PLCG2: variants seen among roughly 807,000 people sequenced by gnomAD.
The protein encoded by PLCG2 is phospholipase C gamma 2.
In PLCG2, 69 loss-of-function variants were observed where a neutral mutation model predicts 175.6. The ratio of observed to expected loss-of-function variants is 0.39; its 90% CI spans 0.32 to 0.48. The LOEUF (loss-of-function observed/expected upper bound fraction) is 0.48, where lower values mean the gene tolerates loss of function less well. PLCG2 is among the 20% of genes least tolerant of loss of function. The pLI, the probability that PLCG2 is intolerant of heterozygous loss-of-function variation, is 0.91. For missense variants in PLCG2, 1,798 were observed against 1,650.9 expected (o/e 1.09, Z -1.54); for synonymous variants, 827 against 624.0 (o/e 1.33, Z -4.85).
chr16:81,791,132 A>C (rs976807988), intron 2 of PLCG2, among the ~76,000 whole-genome samples: 4 of 152,166 alleles, frequency 2.6e-5, no homozygotes, highest in African/African-American at 9.7e-5. Flanking sequence ...AGGAGGATGG[A>C]GTCCCAGCTT....
chr16:81,792,100 C>A lies in PLCG2; in HGVS notation c.193+5918C>A, dbSNP rs577529219. 3.9e-5 allele frequency among the ~76,000 whole-genome samples: 6 copies of A among 152,284 alleles called. No homozygotes were observed. The South Asian group carries it at 1.2e-3, about 32-fold the overall frequency. On this transcript the variant is annotated intron_variant, in intron 2 of 32. Transcript: ENST00000564138. The stretch of plus-strand genomic sequence containing the variant: ...ATGGTGGCCACCAGCAGCCAAGCTC[C>A]CACATGAGCATGTCGACTCTGAATC...
intron 21 of PLCG2, among the ~76,000 whole-genome samples, chr16:81,922,581 A>C (rs1390474201): frequency 6.6e-6 from 1 of 152,220 alleles, no homozygotes; most frequent in Non-Finnish European, 1.5e-5. Context: ...GGAACTGAGG[A>C]TCAGAGAGAC....
At chr16:81,891,316 C>T (rs566952500) in intron 10 of PLCG2, among the ~76,000 whole-genome samples, 156 bp from the exon 11 acceptor site, 83 of 152,258 alleles carry the variant, frequency 5.5e-4, no homozygotes, top group Admixed American at 5.2e-3. Flanking sequence ...CCTGAGCCTT[C>T]GGTATTGAAA....
chr16:81,855,193 A>G (rs1350725356), intron 3 of PLCG2, among the ~76,000 whole-genome samples: 1 of 73,506 alleles, frequency 1.4e-5, no homozygotes, highest in African/African-American at 4.1e-5. Flanking sequence ...ACTCTGTCTC[A>G]AAAAAAAAAA....
intron 31 of PLCG2, among the ~76,000 whole-genome samples, chr16:81,950,639 T>A (rs945212150): frequency 2.0e-4 from 29 of 147,530 alleles, no homozygotes; most frequent in African/African-American, 7.8e-4. Context: ...ATACATTTTT[T>A]AAAAATAATG....
Position 81,956,691 on chromosome 16 carries a change from C to G in PLCG2, c.3571-4C>G, listed in dbSNP as rs775792447. On this transcript the variant is annotated splice_polypyrimidine_tract_variant and splice_region_variant and intron_variant, in intron 31 of 32. Coordinates refer to ENST00000564138, the MANE Select transcript of PLCG2 (RefSeq NM_002661.5). ...ATGGTTGTTCTCTCCCCTGCATCCT[C>G]CAGGAGAGCGAAGAGGAACTTTACT... is the stretch of plus-strand genomic sequence containing the variant. The G allele has an allele frequency of 1.9e-6, 3 of 1,613,014 alleles. No homozygotes were observed.
intron 2 of PLCG2, among the ~76,000 whole-genome samples, chr16:81,824,283 G>A (rs1410839306): frequency 4.0e-5 from 6 of 151,846 alleles, no homozygotes; most frequent in Admixed American, 2.0e-4. Context: ...ATAGGCATGC[G>A]TCACCACACC....
chr16:81,742,237 C>G (rs1395114930), intron 1 of PLCG2, among the ~76,000 whole-genome samples: 1 of 151,954 alleles, frequency 6.6e-6, no homozygotes, highest in African/African-American at 2.4e-5. Context: ...GTCCATTACT[C>G]CGAGTACATA....
At chr16:81,938,305 A>G (rs976244642) in intron 28 of PLCG2, among the ~76,000 whole-genome samples, 4 of 151,936 alleles carry the variant, frequency 2.6e-5, no homozygotes, top group African/African-American at 9.7e-5. Flanking sequence ...TTTCAGAGAA[A>G]GTGTTGTTGC....
intron 2 of PLCG2, among the ~76,000 whole-genome samples, chr16:81,819,725 C>T (rs532652478): frequency 6.6e-6 from 1 of 152,318 alleles, no homozygotes; most frequent in South Asian, 2.1e-4. Context: ...GCTGGGATTA[C>T]AGGTACCCAC....
At chr16:81,845,765 G>A (rs1049696774) in intron 2 of PLCG2, among the ~76,000 whole-genome samples, 1 of 152,228 alleles carries the variant, frequency 6.6e-6, no homozygotes, top group Non-Finnish European at 1.5e-5. Context: ...GTAAGATCAA[G>A]GGGTGGAGAT....
intron 2 of PLCG2, among the ~76,000 whole-genome samples, chr16:81,788,822 A>C (rs1416467157): frequency 6.6e-6 from 1 of 152,064 alleles, no homozygotes; most frequent in Non-Finnish European, 1.5e-5. Context: ...TTCCCTCTTG[A>C]CTGTTTGCAT....
At chr16:81,870,267 C>T (rs1907449998) in intron 6 of PLCG2, among the ~76,000 whole-genome samples, 1 of 152,120 alleles carries the variant, frequency 6.6e-6, no homozygotes, top group Admixed American at 6.5e-5. Flanking sequence ...TTCAGGGAAG[C>T]CCTAGGAGCA....
chr16:81,780,107 T>C (rs1019204185), intron 1 of PLCG2, among the ~76,000 whole-genome samples: 1 of 151,884 alleles, frequency 6.6e-6, no homozygotes, highest in African/African-American at 2.4e-5. Flanking sequence ...GGGGCGGGGC[T>C]CTCTTGGTAC....
intron 1 of PLCG2, among the ~76,000 whole-genome samples, chr16:81,745,903 C>G (rs540458089): frequency 6.6e-6 from 1 of 152,224 alleles, no homozygotes; most frequent in East Asian, 1.9e-4. Context: ...AGCCTCCTGG[C>G]TGTCATACAG....
At chr16:81,957,832 C>A in intron 32 of PLCG2, 124 bp from the exon 33 acceptor site, 2 of 803,742 alleles carry the variant, frequency 2.5e-6, no homozygotes, top group Non-Finnish European at 2.1e-6. Flanking sequence ...CTCTCTGACA[C>A]TCAGCCCTAT....
At chr16:81,812,384 A>C (rs1350855558) in intron 2 of PLCG2, among the ~76,000 whole-genome samples, 2 of 152,130 alleles carry the variant, frequency 1.3e-5, no homozygotes, top group Non-Finnish European at 2.9e-5. Context: ...CGTCATTCTA[A>C]CTGGCATGAG....
At chr16:81,791,517 A>G (rs750003619) in intron 2 of PLCG2, among the ~76,000 whole-genome samples, 3 of 152,176 alleles carry the variant, frequency 2.0e-5, no homozygotes, top group Non-Finnish European at 4.4e-5. Flanking sequence ...TCACTCACAC[A>G]TCTGATACCT....
chr16:81,946,685 G>A (rs1252483830), intron 31 of PLCG2, among the ~76,000 whole-genome samples: 1 of 152,146 alleles, frequency 6.6e-6, no homozygotes, highest in Non-Finnish European at 1.5e-5. Context: ...CACCCCCCAA[G>A]CTGAGCATTT....
Sources: gnomAD v4.1 joint callset for allele counts (sites outside exome capture counted in the v4.1 genomes callset) on GRCh38, gnomAD v4.1.1 for gene constraint, MANE v1.5 for transcripts, NCBI Gene and HGNC (gene_info 2026-07-23, HGNC 2026-07-21) for gene names.